BLTP3B: variants seen among roughly 807,000 people sequenced by gnomAD.
BLTP3B encodes the protein bridge-like lipid transfer protein family member 3B.
At chr12:100,084,507 TGGG>T in the BLTP3B span, 1 of 1,613,178 alleles carries the variant, frequency 6.2e-7, no homozygotes, top group Non-Finnish European at 8.5e-7. Flanking sequence ...AGGCATGTGT[TGGG>T]GATTTAGGAG....
the BLTP3B span, among the ~76,000 whole-genome samples, chr12:100,038,061 CCTA>C: frequency 6.6e-6 from 1 of 152,186 alleles, no homozygotes; most frequent in African/African-American, 2.4e-5. Context: ...CTGAGCTACA[CCTA>C]CTTTCTCAGC....
the BLTP3B span, among the ~76,000 whole-genome samples, chr12:100,137,530 A>C: frequency 6.6e-6 from 1 of 152,016 alleles, no homozygotes; most frequent in African/African-American, 2.4e-5. Flanking sequence ...TGTTTCCCAG[A>C]CTGATCTCAA....
chr12:100,072,854 A>C, the BLTP3B span: 2 of 1,543,534 alleles, frequency 1.3e-6, no homozygotes, highest in Non-Finnish European at 1.7e-6. Context: ...CACTGAATAA[A>C]AACCTTTCCA....
the BLTP3B span, among the ~76,000 whole-genome samples, chr12:100,089,902 A>T: frequency 2.6e-5 from 4 of 152,130 alleles, no homozygotes; most frequent in African/African-American, 9.7e-5. Context: ...GGCTTCCCCC[A>T]TACTGTTCTG....
chr12:100,047,488 A>C, the BLTP3B span: 1 of 1,485,870 alleles, frequency 6.7e-7, no homozygotes, highest in African/African-American at 1.4e-5. Context: ...AACAAGAGCA[A>C]AATTCCATCT....
chr12:100,088,997 A>G, the BLTP3B span: 1 of 1,612,072 alleles, frequency 6.2e-7, no homozygotes, highest in South Asian at 1.1e-5. Flanking sequence ...CCTTAACATC[A>G]AAATCATTGA....
the BLTP3B span, among the ~76,000 whole-genome samples, chr12:100,072,089 T>C: frequency 6.6e-6 from 1 of 152,048 alleles, no homozygotes; most frequent in African/African-American, 2.4e-5. Context: ...GGTGAAACCC[T>C]GTCTCTAGTA....
the BLTP3B span, among the ~76,000 whole-genome samples, chr12:100,078,297 T>C: frequency 6.6e-6 from 1 of 152,190 alleles, no homozygotes; most frequent in South Asian, 2.1e-4. Flanking sequence ...CTGCTTTACC[T>C]TCCACCACGT....
chr12:100,039,169 A>G, the BLTP3B span, among the ~76,000 whole-genome samples: 306 of 152,282 alleles, frequency 2.0e-3, 2 homozygotes, highest in Non-Finnish European at 3.6e-3. Context: ...TGGCAAAAAA[A>G]AAAAATCAAA....
the BLTP3B span, among the ~76,000 whole-genome samples, chr12:100,136,468 G>A: frequency 6.6e-6 from 1 of 152,110 alleles, no homozygotes; most frequent in Non-Finnish European, 1.5e-5. Context: ...ACAAACTGAA[G>A]CCATGTCTTA....
chr12:100,088,215 G>C, the BLTP3B span, among the ~76,000 whole-genome samples: 1 of 152,142 alleles, frequency 6.6e-6, no homozygotes, highest in South Asian at 2.1e-4. Context: ...TCTTCAGCCT[G>C]ATTCTAATGC....
At chr12:100,058,606 T>C in the BLTP3B span, 1 of 1,614,048 alleles carries the variant, frequency 6.2e-7, no homozygotes, top group African/African-American at 1.3e-5. Context: ...ACCACTGGGC[T>C]CACACTTTCA....
At chr12:100,131,693 T>C in the BLTP3B span, among the ~76,000 whole-genome samples, 1 of 152,336 alleles carries the variant, frequency 6.6e-6, no homozygotes, top group South Asian at 2.1e-4. Flanking sequence ...TTTGAATAAC[T>C]TGATTTTAAT....
the BLTP3B span, among the ~76,000 whole-genome samples, chr12:100,038,325 T>A: frequency 6.6e-6 from 1 of 152,138 alleles, no homozygotes; most frequent in Non-Finnish European, 1.5e-5. Context: ...AAATTCTGAA[T>A]GTGTCATCAG....
At chr12:100,095,301 C>G in the BLTP3B span, among the ~76,000 whole-genome samples, 2 of 152,222 alleles carry the variant, frequency 1.3e-5, no homozygotes, top group East Asian at 3.8e-4. Context: ...CTTTGATTCT[C>G]TGCACAGTTA....
the BLTP3B span, among the ~76,000 whole-genome samples, chr12:100,065,652 G>A: frequency 2.6e-5 from 4 of 152,122 alleles, no homozygotes; most frequent in African/African-American, 7.2e-5. Flanking sequence ...TAAATTTGAG[G>A]TCAGACCAGT....
chr12:100,104,280 C>T, the BLTP3B span, among the ~76,000 whole-genome samples: 1 of 148,934 alleles, frequency 6.7e-6, no homozygotes, highest in Non-Finnish European at 1.5e-5. Context: ...TATCGGCTCA[C>T]TGCAACCTCC....
chr12:100,123,387 T>C, the BLTP3B span, among the ~76,000 whole-genome samples: 1 of 152,156 alleles, frequency 6.6e-6, no homozygotes, highest in Non-Finnish European at 1.5e-5. Flanking sequence ...TCTAACGATG[T>C]TTTTCCTCTG....
At chr12:100,104,564 T>A in the BLTP3B span, among the ~76,000 whole-genome samples, 3 of 151,670 alleles carry the variant, frequency 2.0e-5, no homozygotes, top group Admixed American at 2.0e-4. Flanking sequence ...AATCTTAATA[T>A]CATAATTTAA....
Sources: allele counts gnomAD v4.1 joint callset (sites outside exome capture counted in the v4.1 genomes callset), GRCh38; gene constraint gnomAD v4.1.1; transcripts MANE v1.5; gene names NCBI Gene and HGNC (gene_info 2026-07-23, HGNC 2026-07-21).